STPG2: variants seen among roughly 807,000 people sequenced by gnomAD.
STPG2 encodes sperm tail PG-rich repeat containing 2, also known as sperm-tail PG-rich repeat-containing protein 2.
In STPG2, 56 loss-of-function variants were observed where a neutral mutation model predicts 54.2. That is an observed-to-expected ratio of 1.03 (90% CI 0.83 to 1.29). The LOEUF (loss-of-function observed/expected upper bound fraction) is 1.29, where lower values mean the gene tolerates loss of function less well. Ranked by LOEUF, STPG2 falls within the 50% of genes most tolerant of loss-of-function variation. The pLI is 0.00. For missense variants in STPG2, 596 were observed against 544.9 expected, an observed-to-expected ratio of 1.09 and a Z score of -0.93; for synonymous variants, 200 against 181.8, an observed-to-expected ratio of 1.10 and a Z score of -0.81.
At chr4:98,023,101 T>C (rs577984490) in intron 5 of STPG2, among the ~76,000 whole-genome samples, 1 of 152,280 alleles carries the variant, frequency 6.6e-6, no homozygotes, top group East Asian at 1.9e-4. Flanking sequence ...CTCTGCTTTT[T>C]TGAGTTTCCA....
intron 10 of STPG2, among the ~76,000 whole-genome samples, chr4:97,670,052 A>T (rs1310645569): frequency 3.3e-5 from 5 of 152,066 alleles, no homozygotes; most frequent in South Asian, 2.1e-4. Flanking sequence ...ATCCTTTTTT[A>T]AAAAAATTGT....
At chr4:97,793,370 TACACACACACACACACACAC>T (rs3046530) in intron 9 of STPG2, among the ~76,000 whole-genome samples, 1 of 147,880 alleles carries the variant, frequency 6.8e-6, no homozygotes, top group Non-Finnish European at 1.5e-5. Flanking sequence ...GTTTTATATA[TACACACACACACACACACAC>T]ACACACACAC....
chr4:97,585,411 G>C (rs1036796506), intron 10 of STPG2, among the ~76,000 whole-genome samples: 1 of 151,952 alleles, frequency 6.6e-6, no homozygotes, highest in Non-Finnish European at 1.5e-5. Context: ...AGGTGGCTGA[G>C]GTAGCATTAG....
rs1469495830 is a variant in STPG2, at chr4:98,128,605, C to T, written c.223-13G>A. On this transcript the variant is annotated splice_polypyrimidine_tract_variant and intron_variant, in intron 2 of 10. Transcript: ENST00000295268. ...ATCTTGAAATTTTCTGCAAGGAAAA[C>T]ATTTTATATTATTTATTCCAAGGCA... 4 of 1,549,250 alleles carry T rather than the reference C, an allele frequency of 2.6e-6. No individual in the cohort carries two copies. Among genetic ancestry groups the T allele is most frequent in the South Asian group, 1.3e-5 (1 of 78,868 alleles).
chr4:97,691,771 G>A (rs1209818380), intron 10 of STPG2, among the ~76,000 whole-genome samples: 1 of 152,114 alleles, frequency 6.6e-6, no homozygotes, highest in Non-Finnish European at 1.5e-5. Context: ...CAAGGTTTAA[G>A]GACCCTCCCT....
intron 9 of STPG2, among the ~76,000 whole-genome samples, chr4:97,746,785 C>T (rs997197635): frequency 6.6e-6 from 1 of 151,102 alleles, no homozygotes; most frequent in African/African-American, 2.4e-5. Flanking sequence ...CTCTGTGCAC[C>T]TCGAAAGTAT....
intron 10 of STPG2, among the ~76,000 whole-genome samples, chr4:97,620,709 C>A (rs1733989147): frequency 6.6e-6 from 1 of 152,132 alleles, no homozygotes; most frequent in South Asian, 2.1e-4. Context: ...GACTTCAACA[C>A]CCTCCTGACA....
chr4:97,969,291 C>T (rs942184471), intron 7 of STPG2, among the ~76,000 whole-genome samples: 6 of 152,320 alleles, frequency 3.9e-5, no homozygotes, highest in Non-Finnish European at 7.4e-5. Context: ...GATGCACACA[C>T]TATGTCGTAA....
intron 5 of STPG2, among the ~76,000 whole-genome samples, chr4:98,040,759 T>C (rs1371499198): frequency 6.6e-6 from 1 of 151,820 alleles, no homozygotes; most frequent in Non-Finnish European, 1.5e-5. Context: ...CAATGTGATG[T>C]CTCCTGCTTT....
At chr4:97,911,795 A>G (rs1284051276) in intron 8 of STPG2, among the ~76,000 whole-genome samples, 3 of 152,148 alleles carry the variant, frequency 2.0e-5, no homozygotes, top group Non-Finnish European at 2.9e-5. Context: ...GGTCTGCAGG[A>G]GAAGGGTTCT....
chr4:97,549,175 C>T (rs1731910560), intron 4 of STPG2, among the ~76,000 whole-genome samples: 1 of 152,070 alleles, frequency 6.6e-6, no homozygotes, highest in African/African-American at 2.4e-5. Flanking sequence ...TTATTTAGCC[C>T]AGCTTAATCT....
At chr4:97,546,258 C>G (rs1731831082) in intron 4 of STPG2, among the ~76,000 whole-genome samples, 1 of 151,530 alleles carries the variant, frequency 6.6e-6, no homozygotes, top group Non-Finnish European at 1.5e-5. Flanking sequence ...AATGACAAAA[C>G]CAATTGAGCA....
chr4:97,470,246 A>C (rs1729890383), intron 4 of STPG2, among the ~76,000 whole-genome samples: 1 of 152,046 alleles, frequency 6.6e-6, no homozygotes, highest in African/African-American at 2.4e-5. Flanking sequence ...GAATCCTCTT[A>C]ATGAGAGTTG....
chr4:97,926,635 A>C (rs572779815), intron 8 of STPG2, among the ~76,000 whole-genome samples: 1 of 152,306 alleles, frequency 6.6e-6, no homozygotes, highest in South Asian at 2.1e-4. Context: ...CTGACATAGA[A>C]ATTCTAATCC....
intron 9 of STPG2, among the ~76,000 whole-genome samples, chr4:97,826,672 A>G (rs1157959639): frequency 4.6e-5 from 7 of 152,232 alleles, no homozygotes; most frequent in African/African-American, 1.7e-4. Context: ...AATTTGTATT[A>G]TTTGGTATAA....
chr4:97,946,495 T>C (rs1733229145), intron 7 of STPG2, among the ~76,000 whole-genome samples: 1 of 152,132 alleles, frequency 6.6e-6, no homozygotes, highest in Admixed American at 6.6e-5. Flanking sequence ...AGAGTTTTTC[T>C]TACGTTATCT....
intron 8 of STPG2, among the ~76,000 whole-genome samples, chr4:97,910,806 G>A (rs1274891663): frequency 6.6e-6 from 1 of 152,090 alleles, no homozygotes; most frequent in African/African-American, 2.4e-5. Flanking sequence ...TCATACGAAA[G>A]TATCAACAAG....
chr4:97,510,430 T>C (rs1185593151), intron 4 of STPG2, among the ~76,000 whole-genome samples: 3 of 152,152 alleles, frequency 2.0e-5, no homozygotes, highest in Admixed American at 6.6e-5. Context: ...TATCTAATAA[T>C]CTGTGTGGTA....
chr4:98,092,335 A>G (rs1317258113), intron 5 of STPG2, among the ~76,000 whole-genome samples: 1 of 152,044 alleles, frequency 6.6e-6, no homozygotes, highest in African/African-American at 2.4e-5. Flanking sequence ...AACATGAACA[A>G]CTAATTTAGG....
Sources: gnomAD v4.1 joint callset for allele counts (sites outside exome capture counted in the v4.1 genomes callset) on GRCh38, gnomAD v4.1.1 for gene constraint, MANE v1.5 for transcripts, NCBI Gene and HGNC (gene_info 2026-07-23, HGNC 2026-07-21) for gene names.